Variants in SLC18A1 observed in about 807,000 individuals in gnomAD.
SLC18A1 encodes the protein chromaffin granule amine transporter.
Under a neutral mutation model 53.7 loss-of-function variants are expected in SLC18A1, and 69 were observed. That is an observed-to-expected ratio of 1.28 (90% CI 1.06 to 1.57). The LOEUF (loss-of-function observed/expected upper bound fraction) is 1.57. Ranked by LOEUF, SLC18A1 falls within the 40% of genes most tolerant of loss-of-function variation. The probability of loss-of-function intolerance (pLI) is 0.00; values close to 1 mark genes in which losing one functional copy is unlikely to be tolerated. For missense variants in SLC18A1, 932 were observed against 668.1 expected (o/e 1.40, Z -4.35); for synonymous variants, 320 against 248.1 (o/e 1.29, Z -2.72).
intron 4 of SLC18A1, 151 bp downstream of exon 4, chr8:20,178,284 C>A (rs183186888): frequency 4.7e-6 from 3 of 635,766 alleles, no homozygotes; most frequent in East Asian, 5.7e-5. Context: ...AGTCCACATA[C>A]CAAAAACAGC....
chr8:20,169,389 C>A (rs796551840), intron 8 of SLC18A1, among the ~76,000 whole-genome samples: 1 of 151,784 alleles, frequency 6.6e-6, no homozygotes, highest in Non-Finnish European at 1.5e-5. Flanking sequence ...AGAGTAGGCA[C>A]GGCAAATTAG....
intron 10 of SLC18A1, among the ~76,000 whole-genome samples, chr8:20,154,804 T>C (rs1210095890): frequency 6.6e-6 from 1 of 152,154 alleles, no homozygotes; most frequent in Non-Finnish European, 1.5e-5. Flanking sequence ...TGGTCCGTGT[T>C]TGTTCTGGCT....
chr8:20,153,504 C>T (rs1020387297), intron 10 of SLC18A1, among the ~76,000 whole-genome samples: 2 of 152,062 alleles, frequency 1.3e-5, no homozygotes, highest in African/African-American at 4.8e-5. Flanking sequence ...AGTGAAACCC[C>T]ATCTCTACTA....
Position 20,165,093 on chromosome 8 carries a change from A to G in SLC18A1, c.873T>C (p.Thr291=). ...SKVSPESAKG[T]PLFMLLKDPY... ...GGTCTTTGAGAAGCATAAAGAGGGG[A>G]GTCCCCTTGGCACTCTGAGAACATG... The change falls in exon 9 of 16, where the codon ACT becomes ACC. Residue 291 remains threonine, a synonymous_variant. Coordinates refer to ENST00000276373, the MANE Select transcript of SLC18A1 (RefSeq NM_003053.4). 6.2e-7 allele frequency: 1 copy of G among 1,614,154 alleles called. No individual in the cohort carries two copies. Among genetic ancestry groups the G allele is most frequent in the Non-Finnish European group, 8.5e-7 (1 of 1,179,994 alleles).
chr8:20,181,119 G>T lies in SLC18A1; in HGVS notation c.-123-32C>A, dbSNP rs2072418982. The T allele has an allele frequency of 4.2e-6, 3 of 712,262 alleles. No homozygotes were observed. The South Asian group carries it at 5.9e-5, about 14-fold the overall frequency. 44.1% of individuals were successfully genotyped at this position (712,262 alleles called of 1,614,324 possible). A position where few individuals can be genotyped will look rare whatever the true frequency, so the allele number is the denominator to read the frequency against. ...AAACGAAAAGTGCAAAGGGTTGCAA[G>T]TAGTAGGATGATATTTGGAAACATC... On this transcript the variant is annotated intron_variant, in intron 1 of 15. Transcript: ENST00000276373.
chr8:20,179,069 C>G, intron 3 of SLC18A1, 52 bp downstream of exon 3: 2 of 1,536,210 alleles, frequency 1.3e-6, no homozygotes. Flanking sequence ...CTATACTTTT[C>G]TAGTCCTCCT....
intron 8 of SLC18A1, among the ~76,000 whole-genome samples, chr8:20,168,501 A>G (rs1292275685): frequency 6.6e-6 from 1 of 152,206 alleles, no homozygotes; most frequent in East Asian, 1.9e-4. Flanking sequence ...TAAAATTATT[A>G]TATACCTATT....
intron 10 of SLC18A1, among the ~76,000 whole-genome samples, chr8:20,152,064 G>A (rs1008122079): frequency 1.3e-5 from 2 of 152,142 alleles, no homozygotes; most frequent in Admixed American, 6.5e-5. Flanking sequence ...GGTTGGGGAA[G>A]GCTTCTTTGG....
intron 2 of SLC18A1, 69 bp downstream of exon 2, chr8:20,180,760 CTGTTGAACTCAA>C: frequency 4.5e-6 from 7 of 1,546,980 alleles, no homozygotes; most frequent in Non-Finnish European, 6.2e-6. Context: ...GATGGATTCA[CTGTTGAACTCAA>C]GCAGGGTGTA....
At chr8:20,154,927 C>G (rs2071645658) in intron 10 of SLC18A1, among the ~76,000 whole-genome samples, 1 of 152,170 alleles carries the variant, frequency 6.6e-6, no homozygotes, top group South Asian at 2.1e-4. Flanking sequence ...TCTGATCCAG[C>G]AAGGCACCCA....
intron 14 of SLC18A1, 78 bp downstream of exon 14, chr8:20,147,525 A>G: frequency 6.3e-7 from 1 of 1,599,850 alleles, no homozygotes; most frequent in Non-Finnish European, 8.5e-7. Context: ...GAACCCTAGG[A>G]GGATAGCTTC....
In SLC18A1 at chr8:20,179,055, C is replaced by A. The variant is rs1302139185; in HGVS notation, c.488+66G>T. ...TTTCTTCTTTTTCCCTTCCAACCCCCTTTCTATACTTTTCTAGTCCTCCTA... is the reference window on the plus strand; with the variant it reads ...TTTCTTCTTTTTCCCTTCCAACCCCATTTCTATACTTTTCTAGTCCTCCTA... On this transcript the variant is annotated intron_variant, in intron 3 of 15. Transcript: ENST00000276373. 4 of 1,520,648 alleles carry A rather than the reference C, an allele frequency of 2.6e-6. No homozygotes were observed. In the South Asian group the frequency reaches 4.0e-5, roughly 15 times the overall value. The allele number at this position is 1,520,648 out of a possible 1,614,324, so 94.2% of individuals were successfully genotyped here. A position where few individuals can be genotyped will look rare whatever the true frequency, so the allele number is the denominator to read the frequency against.
intron 5 of SLC18A1, among the ~76,000 whole-genome samples, 162 bp downstream of exon 5, chr8:20,174,199 C>T (rs1306186016): frequency 6.6e-6 from 1 of 152,096 alleles, no homozygotes; most frequent in Non-Finnish European, 1.5e-5. Flanking sequence ...AGGTGTGAGC[C>T]ACTGTGCCCA....
chr8:20,154,446 G>A (rs1012849269), intron 10 of SLC18A1, among the ~76,000 whole-genome samples: 1 of 152,170 alleles, frequency 6.6e-6, no homozygotes. Context: ...ACAAACAAGG[G>A]TTCGGTGGTG....
At chr8:20,181,193 C>G (rs1174346891) in intron 1 of SLC18A1, 106 bp from the exon 2 acceptor site, 4 of 381,910 alleles carry the variant, frequency 1.0e-5, no homozygotes, top group African/African-American at 8.2e-5. Flanking sequence ...ATAACTCTAC[C>G]TGGTTCCCAG....
rs377652484 is a variant in SLC18A1, at chr8:20,174,350, G to C, written c.631+11C>G. 1 of 1,600,266 alleles carries C rather than the reference G, an allele frequency of 6.2e-7. No homozygotes were observed. On this transcript the variant is annotated intron_variant, in intron 5 of 15. Coordinates refer to ENST00000276373, the MANE Select transcript of SLC18A1 (RefSeq NM_003053.4). Reference sequence around the variant, plus strand: ...TGCATGTGTGTGTGCATGATGAGTTGCCAGTGTTACCTGCAACAGATGAAA... The same window carrying C: ...TGCATGTGTGTGTGCATGATGAGTTCCCAGTGTTACCTGCAACAGATGAAA...
intron 4 of SLC18A1, 91 bp downstream of exon 4, chr8:20,178,344 A>T (rs754322754): frequency 1.2e-5 from 12 of 1,017,106 alleles, no homozygotes; most frequent in African/African-American, 8.2e-5. Context: ...GCCTAATTAC[A>T]TTCTAGGTTA....
Position 20,145,837 on chromosome 8 carries a change from A to G in SLC18A1, c.1504T>C (p.Tyr502His). 1.2e-6 allele frequency: 2 copies of G among 1,612,064 alleles called. No individual in the cohort carries two copies. The highest frequency in any genetic ancestry group is 2.2e-5 in the East Asian group (1 of 44,764). Residue 502 changes from tyrosine to histidine, a missense_variant, in exon 16 of 16, where the codon TAT (tyrosine) becomes CAT (histidine). By Grantham distance (83) the Tyr-to-His change is moderately conservative. Transcript: ENST00000276373. ...TCCTTCGTGGGCTTCTGGGTTGCAT[A>G]CATCCGGGTCTCCATGGGGCAGTCC... ...SQDCPMETRMYATQKPTKEFP... is the reference protein window; with the variant it reads ...SQDCPMETRMHATQKPTKEFP...
At chr8:20,164,809 G>C in intron 10 of SLC18A1, 60 bp downstream of exon 10, 1 of 1,299,756 alleles carries the variant, frequency 7.7e-7, no homozygotes, top group South Asian at 1.3e-5. Context: ...TTGAACGAAA[G>C]GACTCATGGC....
Sources: gnomAD v4.1 joint callset for allele counts (sites outside exome capture counted in the v4.1 genomes callset) on GRCh38, gnomAD v4.1.1 for gene constraint, MANE v1.5 for transcripts, NCBI Gene and HGNC (gene_info 2026-07-23, HGNC 2026-07-21) for gene names.